SLC44A4: variants seen among roughly 807,000 people sequenced by gnomAD.
SLC44A4 encodes the protein solute carrier family 44 member 4.
Under a neutral mutation model 97.0 loss-of-function variants are expected in SLC44A4, and 74 were observed. The ratio of observed to expected loss-of-function variants is 0.76; its 90% CI spans 0.63 to 0.93. SLC44A4 has a LOEUF of 0.93. SLC44A4 is among the 40% of genes least tolerant of loss of function. SLC44A4 has a pLI of 0.00. For missense variants in SLC44A4, 799 were observed against 902.9 expected, an observed-to-expected ratio of 0.88 and a Z score of 1.48; for synonymous variants, 325 against 363.8, an observed-to-expected ratio of 0.89 and a Z score of 1.21.
In SLC44A4 at chr6:31,877,557, C is replaced by G; in HGVS notation, c.41-475G>C. ...CTTCCCCTATCTGCCCCAGGCCCTACCTTACCCTCTGGTTCAAGGCTATGG... is the reference window on the plus strand; with the variant it reads ...CTTCCCCTATCTGCCCCAGGCCCTAGCTTACCCTCTGGTTCAAGGCTATGG... On this transcript the variant is annotated intron_variant, in intron 1 of 20. Coordinates refer to ENST00000229729, the MANE Select transcript of SLC44A4 (RefSeq NM_025257.3). The surrounding 1 kb of genome is among the most constrained non-coding windows in gnomAD (Gnocchi z 6.5). 10 of 991,780 alleles carry G rather than the reference C, an allele frequency of 1.0e-5. No individual in the cohort carries two copies. The highest frequency in any genetic ancestry group is 1.2e-5 in the Non-Finnish European group (10 of 833,026). 61.4% of individuals were successfully genotyped at this position (991,780 alleles called of 1,614,324 possible).
intron 13 of SLC44A4, 30 bp downstream of exon 13, chr6:31,869,125 C>T: frequency 6.4e-7 from 1 of 1,568,390 alleles, no homozygotes; most frequent in Non-Finnish European, 8.7e-7. Flanking sequence ...CCCTACTAGT[C>T]CCGCCTCCAT....
intron 13 of SLC44A4, among the ~76,000 whole-genome samples, 170 bp downstream of exon 13, chr6:31,868,985 C>G (rs939704721): frequency 6.6e-6 from 1 of 152,062 alleles, no homozygotes; most frequent in African/African-American, 2.4e-5. Flanking sequence ...ACAGGAGTAC[C>G]AGGTATTCTG....
chr6:31,870,767 C>T (rs140332370), intron 10 of SLC44A4, 45 bp downstream of exon 10: 46 of 1,611,934 alleles, frequency 2.9e-5, no homozygotes, highest in Middle Eastern at 1.6e-4. Context: ...TGGCCCAGGG[C>T]GGTCCTTGGG....
intron 7 of SLC44A4, 31 bp from the exon 8 acceptor site, chr6:31,871,592 G>A (rs1207927865): frequency 6.4e-7 from 1 of 1,569,490 alleles, no homozygotes; most frequent in South Asian, 1.1e-5. Context: ...GCTGGGTTGG[G>A]GGCCAGGAGC....
rs1760306755 is a variant in SLC44A4, at chr6:31,870,932, T to C, written c.817A>G (p.Ile273Val). Reference sequence around the variant, plus strand: ...CGGTACTCCTCCCAGCAGTAGTAGATGCCGTATGCCAGCACGCCCAGCACT... The same window carrying C: ...CGGTACTCCTCCCAGCAGTAGTAGACGCCGTATGCCAGCACGCCCAGCACT... Reference protein sequence around the residue: ...LGVLGVLAYGIYYCWEEYRVL... With the variant: ...LGVLGVLAYGVYYCWEEYRVL... The change falls in exon 10 of 21, where the codon ATC becomes GTC. Residue 273 changes from isoleucine (I) to valine (V), a missense_variant. By Grantham distance (29) the Ile-to-Val change is conservative. Around this residue, in one of 3 missense-constraint regions of SLC44A4, gnomAD observed 409 missense variants for 434.1 expected, o/e 0.94. Transcript: ENST00000229729. 1 of 1,612,844 alleles carries C rather than the reference T, an allele frequency of 6.2e-7. No individual in the cohort carries two copies. The highest frequency in any genetic ancestry group is 1.7e-5 in the Admixed American group (1 of 59,986).
chr6:31,863,718 A>G lies in SLC44A4; in HGVS notation c.2042T>C (p.Leu681Pro). Residue 681 changes from leucine to proline, a missense_variant, in exon 21 of 21, where the codon CTG becomes CCG. Coordinates refer to ENST00000229729, the MANE Select transcript of SLC44A4 (RefSeq NM_025257.3). ...CTTGGACATGTAGTAGGGCCGGTCC[A>G]GGGAGCCGTTGTTCCGCTCCAGGTC... is the stretch of plus-strand genomic sequence containing the variant. Reference protein sequence around the residue: ...LEDLERNNGSLDRPYYMSKSL... With the variant: ...LEDLERNNGSPDRPYYMSKSL... The G allele has an allele frequency of 6.2e-7, 1 of 1,612,792 alleles. No homozygotes were observed. The highest frequency in any genetic ancestry group is 1.3e-5 in the African/African-American group (1 of 75,000).
rs1242170979 is a variant in SLC44A4, at chr6:31,877,204, C to T, written c.41-122G>A. ...GTGTTTGGAGGGAGATGGGCTAGGG[C>T]AGGACTGGCAGGAGGGGAAAACTGG... On this transcript the variant is annotated intron_variant, in intron 1 of 20. Transcript: ENST00000229729. The surrounding 1 kb of genome is among the most constrained non-coding windows in gnomAD (Gnocchi z 6.5). 1.0e-6 allele frequency: 1 copy of T among 972,434 alleles called. No homozygotes were observed. Among genetic ancestry groups the T allele is most frequent in the African/African-American group, 1.6e-5 (1 of 61,178 alleles). 60.2% of individuals were successfully genotyped at this position (972,434 alleles called of 1,614,324 possible). A position where few individuals can be genotyped will look rare whatever the true frequency, so the allele number is the denominator to read the frequency against.
Position 31,869,266 on chromosome 6 carries a change from G to C in SLC44A4, c.1131-9C>G. The C allele has an allele frequency of 6.3e-7, 1 of 1,594,532 alleles. No individual in the cohort carries two copies. On this transcript the variant is annotated splice_polypyrimidine_tract_variant and intron_variant, in intron 12 of 20. Coordinates refer to ENST00000229729, the MANE Select transcript of SLC44A4 (RefSeq NM_025257.3). ...CCGATGTAGCCAGGTACCCAGAGGG[G>C]AGTCAAGGAAAGCATGATCACACGA... is the stretch of plus-strand genomic sequence containing the variant.
chr6:31,876,217 G>A lies in SLC44A4; in HGVS notation c.90-88C>T. ...TGGAGGGGTTAAGGGTTAGAGAGTTGGGTGATGCTGCAGCATGGGCATCAG... is the reference window on the plus strand; with the variant it reads ...TGGAGGGGTTAAGGGTTAGAGAGTTAGGTGATGCTGCAGCATGGGCATCAG... On this transcript the variant is annotated intron_variant, in intron 2 of 20. Coordinates refer to ENST00000229729, the MANE Select transcript of SLC44A4 (RefSeq NM_025257.3). The surrounding 1 kb of genome is among the most constrained non-coding windows in gnomAD (Gnocchi z 4.8). The A allele has an allele frequency of 1.0e-6, 1 of 974,988 alleles. No homozygotes were observed. The highest frequency in any genetic ancestry group is 1.5e-6 in the Non-Finnish European group (1 of 650,994). The allele number at this position is 974,988 out of a possible 1,614,324, so 60.4% of individuals were successfully genotyped here. A position where few individuals can be genotyped will look rare whatever the true frequency, so the allele number is the denominator to read the frequency against.
intron 13 of SLC44A4, among the ~76,000 whole-genome samples, chr6:31,867,124 G>C (rs2151556818): frequency 6.6e-6 from 1 of 152,094 alleles, no homozygotes; most frequent in South Asian, 2.1e-4. Flanking sequence ...CTGTTGCCCA[G>C]GCTGGAGTAC....
In SLC44A4 at chr6:31,865,516, G is replaced by A. The variant is rs1353031306; in HGVS notation, c.1668C>T (p.Asn556=). The A allele has an allele frequency of 6.2e-7, 1 of 1,603,294 alleles. No homozygotes were observed. The highest frequency in any genetic ancestry group is 2.2e-5 in the East Asian group (1 of 44,644). Residue 556 remains asparagine (N), a synonymous_variant, in exon 16 of 21, where the codon AAC becomes AAT. Coordinates refer to ENST00000229729, the MANE Select transcript of SLC44A4 (RefSeq NM_025257.3). This position sits in a 1 kb window ranked among gnomAD's most constrained non-coding sequence, Gnocchi z 5.2. ...WCLEKFIKFL[N]RNAYIMIAIY... is the part of the protein sequence containing the mutation. ...AGCTCACCATGATGTATGCATTGCG[G>A]TTTAGGAACTTGATAAATTTTTCCA...
Position 31,865,568 on chromosome 6 carries a change from C to T in SLC44A4, c.1616G>A (p.Cys539Tyr). The T allele has an allele frequency of 6.3e-7, 1 of 1,599,120 alleles. No homozygotes were observed. The highest frequency in any genetic ancestry group is 8.5e-7 in the Non-Finnish European group (1 of 1,169,930). ...ACACCAGAGGCAGCACTTGAAACAG[C>T]ACATGATGCAGCGGGCTACAGGGTT... Reference protein sequence around the residue: ...VQNPVARCIMCCFKCCLWCLE... With the variant: ...VQNPVARCIMYCFKCCLWCLE... The change falls in exon 16 of 21, where the codon TGC (cysteine) becomes TAC (tyrosine). Residue 539 changes from cysteine to tyrosine, a missense_variant. Transcript: ENST00000229729. The surrounding 1 kb of genome is among the most constrained non-coding windows in gnomAD (Gnocchi z 5.2).
intron 7 of SLC44A4, among the ~76,000 whole-genome samples, chr6:31,871,836 G>A (rs1197412364): frequency 1.3e-5 from 2 of 151,992 alleles, no homozygotes; most frequent in African/African-American, 2.4e-5. Context: ...CCCTCCACCC[G>A]AGTGGAGTGC....
intron 13 of SLC44A4, 23 bp downstream of exon 13, chr6:31,869,132 C>T (rs1478294556): frequency 1.3e-6 from 2 of 1,583,328 alleles, no homozygotes; most frequent in African/African-American, 1.3e-5. Flanking sequence ...AGTCCCGCCT[C>T]CATGTCCCCT....
chr6:31,876,415 C>T lies in SLC44A4; in HGVS notation c.90-286G>A, dbSNP rs954649225. Among the ~76,000 whole-genome samples the T allele has an allele frequency of 5.3e-5, 8 of 152,060 alleles. No homozygotes were observed. Among genetic ancestry groups the T allele is most frequent in the Admixed American group, 3.9e-4 (6 of 15,256 alleles). ...TCCCGAGTAGCTGGGATTACAGGCG[C>T]GTGCCACTACTGCCCGGCTAATTTT... On this transcript the variant is annotated intron_variant, in intron 2 of 20. Coordinates refer to ENST00000229729, the MANE Select transcript of SLC44A4 (RefSeq NM_025257.3). The surrounding 1 kb of genome is among the most constrained non-coding windows in gnomAD (Gnocchi z 4.8).
In SLC44A4 at chr6:31,863,582, T is replaced by C. The variant is rs751866271; in HGVS notation, c.*45A>G. 7 of 1,568,338 alleles carry C rather than the reference T, an allele frequency of 4.5e-6. No individual in the cohort carries two copies. The highest frequency in any genetic ancestry group is 2.3e-5 in the South Asian group (2 of 85,908). Reference sequence around the variant, plus strand: ...GTAAGGCGAAGTGAGGTTGGATGGCTGGACGGTGGGGGTGGGGTGCAGTCC... The same window carrying C: ...GTAAGGCGAAGTGAGGTTGGATGGCCGGACGGTGGGGGTGGGGTGCAGTCC... On this transcript the variant is annotated 3_prime_UTR_variant, in exon 21 of 21. Transcript: ENST00000229729.
At chr6:31,873,276 G>A (rs961255499) in intron 7 of SLC44A4, among the ~76,000 whole-genome samples, 3 of 152,064 alleles carry the variant, frequency 2.0e-5, no homozygotes, top group African/African-American at 4.8e-5. Context: ...TCTGCCACCC[G>A]GGTTCAAGCA....
intron 12 of SLC44A4, 129 bp from the exon 13 acceptor site, chr6:31,869,386 C>T (rs371202610): frequency 1.1e-6 from 1 of 947,830 alleles, no homozygotes; most frequent in Non-Finnish European, 1.6e-6. Context: ...AGCCTGTGTG[C>T]ACCCTTTCAA....
rs759083169 is a variant in SLC44A4 at position 31,876,739 on chromosome 6, T to C, written c.89+295A>G. On this transcript the variant is annotated intron_variant, in intron 2 of 20. Transcript: ENST00000229729. This position sits in a 1 kb window ranked among gnomAD's most constrained non-coding sequence, Gnocchi z 4.8. ...AAAACCTTTTTCTGGGTGGGTAAACTTTCTTCTGAAGTAAAAGACAGAAAA... is the reference window on the plus strand; with the variant it reads ...AAAACCTTTTTCTGGGTGGGTAAACCTTCTTCTGAAGTAAAAGACAGAAAA... Among the ~76,000 whole-genome samples, 33 of 152,110 alleles carry C rather than the reference T, an allele frequency of 2.2e-4. No homozygotes were observed. Among genetic ancestry groups the C allele is most frequent in the Admixed American group, 5.2e-4 (8 of 15,270 alleles).
Sources: allele counts gnomAD v4.1 joint callset (sites outside exome capture counted in the v4.1 genomes callset), GRCh38; gene constraint gnomAD v4.1.1; regional missense constraint gnomAD v4.1.1; non-coding constraint Gnocchi (gnomAD v3.1); transcripts MANE v1.5; gene names NCBI Gene and HGNC (gene_info 2026-07-23, HGNC 2026-07-21).